The following ZFAT variants were observed in gnomAD, a reference collection of about 807,000 sequenced individuals.
ZFAT encodes the protein zinc finger protein ZFAT.
Under a neutral mutation model 117.7 loss-of-function variants are expected in ZFAT, and 64 were observed. The observed-to-expected ratio is 0.54, with a 90% confidence interval of 0.44 to 0.67. The LOEUF is 0.67. Among genes scored for constraint, ZFAT ranks in the 30% least tolerant of loss-of-function variants. The pLI, the probability that ZFAT is intolerant of heterozygous loss-of-function variation, is 0.00. For missense variants in ZFAT, 1,433 were observed against 1,584.5 expected (o/e 0.90, Z 1.62); for synonymous variants, 679 against 615.0 (o/e 1.10, Z -1.54).
At chr8:134,541,489 A>G (rs961900165) in intron 11 of ZFAT, among the ~76,000 whole-genome samples, 3 of 152,224 alleles carry the variant, frequency 2.0e-5, no homozygotes, top group Admixed American at 6.5e-5. Context: ...ACTGTGAGAA[A>G]TAAGTTCCTT....
chr8:134,560,728 G>A (rs1456428205), intron 11 of ZFAT, among the ~76,000 whole-genome samples: 1 of 152,212 alleles, frequency 6.6e-6, no homozygotes, highest in Non-Finnish European at 1.5e-5. Context: ...AGAAAGCAAA[G>A]AGTTGAATAG....
At chr8:134,810,530 T>C in the ZFAT span, among the ~76,000 whole-genome samples, 4 of 152,228 alleles carry the variant, frequency 2.6e-5, no homozygotes, top group Non-Finnish European at 5.9e-5. Flanking sequence ...CCTACCAATT[T>C]ATCCTTCATA....
At chr8:134,748,020 G>T in the ZFAT span, among the ~76,000 whole-genome samples, 2 of 152,138 alleles carry the variant, frequency 1.3e-5, no homozygotes, top group Non-Finnish European at 2.9e-5. Flanking sequence ...GAAATATCTG[G>T]GGTTTCAGAA....
chr8:134,818,335 A>G, the ZFAT span, among the ~76,000 whole-genome samples: 4 of 152,332 alleles, frequency 2.6e-5, no homozygotes, highest in South Asian at 2.1e-4. Context: ...GATGCTTCCC[A>G]AAAGAGAAAG....
At chr8:134,508,335 G>C (rs1241604336) in intron 15 of ZFAT, among the ~76,000 whole-genome samples, 1 of 152,202 alleles carries the variant, frequency 6.6e-6, no homozygotes, top group Non-Finnish European at 1.5e-5. Flanking sequence ...AGGTCACCAG[G>C]CACACATCAC....
chr8:134,563,969 C>T (rs372163849), intron 11 of ZFAT, among the ~76,000 whole-genome samples: 1 of 142,542 alleles, frequency 7.0e-6, no homozygotes, highest in Non-Finnish European at 1.5e-5. Flanking sequence ...CATAGTGAAA[C>T]CCCGTCTCTA....
chr8:134,487,166 T>A (rs1209628313), intron 15 of ZFAT, among the ~76,000 whole-genome samples: 1 of 152,198 alleles, frequency 6.6e-6, no homozygotes, highest in Non-Finnish European at 1.5e-5. Context: ...TTGTGTCCAT[T>A]GCTACACTTG....
At chr8:134,637,437 G>T in intron 3 of ZFAT, 24 bp downstream of exon 3, 2 of 1,596,492 alleles carry the variant, frequency 1.3e-6, no homozygotes, top group Non-Finnish European at 1.7e-6. Context: ...AAATTGACAT[G>T]TTCAGCCCTT....
Position 134,602,382 on chromosome 8 carries a change from G to T in ZFAT, c.1337C>A (p.Ala446Glu). ...LCGHGATKYQ[A>E]LELHVRKHPF... ...GTGCTTCCTGACATGCAGTTCCAGC[G>T]CCTGGTACTTGGTGGCCCCATGGCC... Residue 446 changes from alanine (A) to glutamate (E), a missense_variant, in exon 6 of 16, where the codon GCG (alanine) becomes GAG (glutamate). This residue lies in a region of ZFAT where 73 missense variants were observed against 122.0 expected (regional missense o/e 0.60). Transcript: ENST00000377838. The T allele has an allele frequency of 6.2e-7, 1 of 1,613,850 alleles. No homozygotes were observed. The highest frequency in any genetic ancestry group is 8.5e-7 in the Non-Finnish European group (1 of 1,180,054).
chr8:134,518,568 C>T (rs1247203064), intron 13 of ZFAT, among the ~76,000 whole-genome samples: 2 of 152,052 alleles, frequency 1.3e-5, no homozygotes, highest in Non-Finnish European at 2.9e-5. Context: ...TTTACATTTT[C>T]TTTTCCCTGA....
chr8:134,714,107 GCCC>G (rs34806943), upstream of ZFAT, among the ~76,000 whole-genome samples: 18,000 of 94,474 alleles, frequency 0.19, 1,668 homozygotes, highest in African/African-American at 0.26. Context: ...GCAAAGACAT[GCCC>G]CCCCCCCCCC....
At chr8:134,655,368 C>T (rs939234809) in intron 2 of ZFAT, among the ~76,000 whole-genome samples, 9 of 152,284 alleles carry the variant, frequency 5.9e-5, no homozygotes, top group South Asian at 4.2e-4. Context: ...AAATGAAAGG[C>T]GGGGTACGGT....
At chr8:134,545,958 A>T (rs1390530031) in intron 11 of ZFAT, among the ~76,000 whole-genome samples, 1 of 152,256 alleles carries the variant, frequency 6.6e-6, no homozygotes, top group Admixed American at 6.5e-5. Context: ...TAAATAGGCA[A>T]CAGAGGCCCC....
intron 1 of ZFAT, among the ~76,000 whole-genome samples, chr8:134,670,214 A>T (rs184427712): frequency 1.9e-3 from 291 of 152,332 alleles, no homozygotes; most frequent in Non-Finnish European, 3.6e-3. Context: ...GTTAACAAGG[A>T]TATCCGGGAA....
At chr8:134,486,999 T>C (rs373646142) in intron 15 of ZFAT, among the ~76,000 whole-genome samples, 3 of 152,344 alleles carry the variant, frequency 2.0e-5, no homozygotes, top group African/African-American at 7.2e-5. Flanking sequence ...TATGTACATA[T>C]GCATGTATAT....
intron 1 of ZFAT, among the ~76,000 whole-genome samples, chr8:134,665,697 T>C (rs1375448528): frequency 8.0e-6 from 1 of 124,354 alleles, no homozygotes; most frequent in South Asian, 2.5e-4. Flanking sequence ...CTGAGCACAG[T>C]GTGGTGTCTG....
At chr8:134,664,477 A>G (rs1006213046) in intron 1 of ZFAT, among the ~76,000 whole-genome samples, 2 of 152,136 alleles carry the variant, frequency 1.3e-5, no homozygotes, top group African/African-American at 4.8e-5. Flanking sequence ...TTGCAATCTC[A>G]TATTTAAAAG....
At position 134,478,691 on chromosome 8, in the gene ZFAT, TGTG is replaced by T. The variant is rs1563753238; in HGVS notation, c.3520_3522del (p.His1174del). 8 of 1,577,008 alleles carry T rather than the reference TGTG, an allele frequency of 5.1e-6. No individual in the cohort carries two copies. The South Asian group carries it at 9.3e-5, about 18-fold the overall frequency. On this transcript the variant is annotated inframe_deletion, in exon 16 of 16. Transcript: ENST00000377838. The surrounding 1 kb of genome is among the most constrained non-coding windows in gnomAD (Gnocchi z 5.2). ...TGGACCGTCTCCTGGATCATGACCG[TGTG>T]GTTGGAGCTGGGCTCCTCCTCGGTG...
At chr8:134,479,829 C>G (rs1817167158) in intron 15 of ZFAT, among the ~76,000 whole-genome samples, 2 of 152,116 alleles carry the variant, frequency 1.3e-5, no homozygotes, top group Non-Finnish European at 2.9e-5. Context: ...GTCTATTCAT[C>G]TGTAAAACAG....
Sources: gnomAD v4.1 joint callset for allele counts (sites outside exome capture counted in the v4.1 genomes callset) on GRCh38, gnomAD v4.1.1 for gene constraint, gnomAD v4.1.1 regional missense constraint, Gnocchi (gnomAD v3.1) non-coding constraint, MANE v1.5 for transcripts, NCBI Gene and HGNC (gene_info 2026-07-23, HGNC 2026-07-21) for gene names.